TRMT44: variants seen among roughly 807,000 people sequenced by gnomAD.
TRMT44 encodes the protein probable tRNA (uracil-O(2)-)-methyltransferase.
In TRMT44, 78 loss-of-function variants were observed where a neutral mutation model predicts 77.3. The ratio of observed to expected loss-of-function variants is 1.01; its 90% CI spans 0.84 to 1.22. The LOEUF is 1.22. Among genes scored for constraint, TRMT44 ranks in the 50% most tolerant of loss-of-function variants. TRMT44 has a pLI of 0.00. For missense variants in TRMT44, 1,090 were observed against 964.4 expected (o/e 1.13, Z -1.73); for synonymous variants, 391 against 383.3 (o/e 1.02, Z -0.23).
In TRMT44 at chr4:8,454,876, G is replaced by T. The variant is rs1725701195; in HGVS notation, c.1203+63G>T. The T allele has an allele frequency of 3.5e-6, 5 of 1,442,410 alleles. No individual in the cohort carries two copies. The East Asian group carries it at 1.1e-4, about 33-fold the overall frequency. The allele number at this position is 1,442,410 out of a possible 1,614,324, so 89.4% of individuals were successfully genotyped here. A position where few individuals can be genotyped will look rare whatever the true frequency, so the allele number is the denominator to read the frequency against. On this transcript the variant is annotated intron_variant, in intron 6 of 10. Coordinates refer to ENST00000389737, the MANE Select transcript of TRMT44 (RefSeq NM_152544.3). ...GGCTTAGCTCCCAGTGGGAATTGCT[G>T]TAATGAATGTGTCTCTTTGTATAGG... is the stretch of plus-strand genomic sequence containing the variant.
intron 2 of TRMT44, among the ~76,000 whole-genome samples, chr4:8,482,629 C>T (rs1015961379): frequency 6.6e-6 from 1 of 152,038 alleles, no homozygotes; most frequent in African/African-American, 2.4e-5. Flanking sequence ...GCTTTTTGAG[C>T]CAGGATGAGC....
chr4:8,464,741 A>C (rs772275424), intron 7 of TRMT44, among the ~76,000 whole-genome samples: 2 of 152,240 alleles, frequency 1.3e-5, no homozygotes, highest in Non-Finnish European at 2.9e-5. Context: ...ATGACCCTTG[A>C]TAACAGGAAC....
In TRMT44 at chr4:8,441,454, T is replaced by C. The variant is rs1267702589; in HGVS notation, c.619+13T>C. ...ATAGTCGTGCAAGGTAAGAGTGTTT[T>C]GATAGTGGACGGATATGATTAGATA... On this transcript the variant is annotated intron_variant, in intron 1 of 10. Coordinates refer to ENST00000389737, the MANE Select transcript of TRMT44 (RefSeq NM_152544.3). 1 of 1,492,388 alleles carries C rather than the reference T, an allele frequency of 6.7e-7. No homozygotes were observed. Among genetic ancestry groups the C allele is most frequent in the Admixed American group, 2.1e-5 (1 of 47,562 alleles). 92.4% of individuals were successfully genotyped at this position (1,492,388 alleles called of 1,614,324 possible).
chr4:8,443,228 G>A (rs984229282), intron 1 of TRMT44, among the ~76,000 whole-genome samples: 1 of 152,144 alleles, frequency 6.6e-6, no homozygotes, highest in Non-Finnish European at 1.5e-5. Context: ...ACCATTTTAC[G>A]TTGTCCATCC....
intron 2 of TRMT44, among the ~76,000 whole-genome samples, chr4:8,448,866 G>C (rs895986817): frequency 6.6e-6 from 1 of 152,216 alleles, no homozygotes; most frequent in African/African-American, 2.4e-5. Context: ...GAGGCCCTCC[G>C]GCTCTGCCCC....
At chr4:8,490,751 G>T (rs150259153) in intron 2 of TRMT44, among the ~76,000 whole-genome samples, 2,017 of 152,260 alleles carry the variant, frequency 0.013, 48 homozygotes, top group African/African-American at 0.046. Context: ...AAGGGGCCCC[G>T]AGCGGGTTGC....
At chr4:8,456,633 G>A (rs983598635) in intron 6 of TRMT44, among the ~76,000 whole-genome samples, 1 of 151,632 alleles carries the variant, frequency 6.6e-6, no homozygotes, top group African/African-American at 2.4e-5. Flanking sequence ...CTCATATTTA[G>A]AATGCAGCTT....
chr4:8,462,569 G>GT (rs1439522074), intron 6 of TRMT44, among the ~76,000 whole-genome samples: 4 of 151,436 alleles, frequency 2.6e-5, no homozygotes, highest in African/African-American at 9.7e-5. Context: ...GCTGGGTGTG[G>GT]TGGCGGGTGC....
chr4:8,463,337 A>G (rs1049855710), intron 6 of TRMT44, among the ~76,000 whole-genome samples: 29 of 152,198 alleles, frequency 1.9e-4, no homozygotes, highest in African/African-American at 7.0e-4. Context: ...TAGGGTGCCT[A>G]TTTAAAGTTC....
At chr4:8,441,591 A>G (rs561113451) in intron 1 of TRMT44, 150 bp downstream of exon 1, 1 of 926,468 alleles carries the variant, frequency 1.1e-6, no homozygotes, top group East Asian at 2.8e-5. Flanking sequence ...GTGGGCGCAT[A>G]GAAATGTGTG....
At chr4:8,493,391 TG>T (rs934134776) in exon 3 of TRMT44, 5 of 152,214 alleles carry the variant, frequency 3.3e-5, no homozygotes, top group African/African-American at 1.2e-4. Flanking sequence ...GATTTTATCT[TG>T]GACCCGACCA....
At position 8,465,766 on chromosome 4, in the gene TRMT44, C is replaced by T. The variant is rs1466719071; in HGVS notation, c.1494+205C>T. 3.9e-5 allele frequency among the ~76,000 whole-genome samples: 6 copies of T among 152,198 alleles called. No homozygotes were observed. The South Asian group carries it at 1.0e-3, about 26-fold the overall frequency. On this transcript the variant is annotated intron_variant, in intron 8 of 10. Coordinates refer to ENST00000389737, the MANE Select transcript of TRMT44 (RefSeq NM_152544.3). The stretch of plus-strand genomic sequence containing the variant: ...CCTCCTTAAAGGCACCCGGTGCTCC[C>T]TCCTCCAGGCCTGCAGGAGTCCTCG...
intron 3 of TRMT44, among the ~76,000 whole-genome samples, chr4:8,450,920 G>A (rs1725409832): frequency 6.6e-6 from 1 of 150,852 alleles, no homozygotes; most frequent in Admixed American, 6.6e-5. Context: ...TAGTAGCTGG[G>A]ACCACAGGCA....
Position 8,441,090 on chromosome 4 carries a change from G to A in TRMT44, c.268G>A (p.Gly90Arg). ...GGGCCCGGGTCCCAGGTCGCTATCA[G>A]GACCCGAGCAGGGCACGGCATGTTG... ...GGGPGPRSLS[G>R]PEQGTACCEL... The change falls in exon 1 of 11, where the codon GGA becomes AGA. Residue 90 changes from glycine (G) to arginine (R), a missense_variant. By Grantham distance (125) the Gly-to-Arg change is moderately radical. Transcript: ENST00000389737. 1 of 1,505,434 alleles carries A rather than the reference G, an allele frequency of 6.6e-7. No individual in the cohort carries two copies. Among genetic ancestry groups the A allele is most frequent in the Non-Finnish European group, 8.8e-7 (1 of 1,131,222 alleles). 93.3% of individuals were successfully genotyped at this position (1,505,434 alleles called of 1,614,324 possible).
intron 2 of TRMT44, among the ~76,000 whole-genome samples, chr4:8,485,915 C>T (rs766423744): frequency 1.7e-4 from 26 of 152,120 alleles, no homozygotes; most frequent in Admixed American, 5.9e-4. Flanking sequence ...AAGAAGGCAA[C>T]GTGGAGTGGG....
At chr4:8,474,255 T>C (rs1727216805) in intron 10 of TRMT44, among the ~76,000 whole-genome samples, 1 of 152,190 alleles carries the variant, frequency 6.6e-6, no homozygotes, top group Non-Finnish European at 1.5e-5. Flanking sequence ...CTGAGCACCC[T>C]TTAGAGGGTT....
At chr4:8,466,865 TGGTGGGGA>T (rs1355169382) in intron 8 of TRMT44, among the ~76,000 whole-genome samples, 11 of 152,344 alleles carry the variant, frequency 7.2e-5, no homozygotes, top group African/African-American at 2.4e-4. Context: ...AGCACATGTC[TGGTGGGGA>T]CTGGGTGTGT....
intron 8 of TRMT44, among the ~76,000 whole-genome samples, chr4:8,465,781 A>T (rs1253087217): frequency 6.6e-6 from 1 of 152,180 alleles, no homozygotes; most frequent in Non-Finnish European, 1.5e-5. Context: ...CCAGGCCTGC[A>T]GGAGTCCTCG....
chr4:8,502,355 G>A, the TRMT44 span, among the ~76,000 whole-genome samples: 3 of 152,194 alleles, frequency 2.0e-5, no homozygotes, highest in African/African-American at 4.8e-5. Flanking sequence ...TGGAGGGAGA[G>A]GAAGCTTCTG....
Sources: gnomAD v4.1 joint callset for allele counts (sites outside exome capture counted in the v4.1 genomes callset) on GRCh38, gnomAD v4.1.1 for gene constraint, MANE v1.5 for transcripts, NCBI Gene and HGNC (gene_info 2026-07-23, HGNC 2026-07-21) for gene names.